Variants in ZNF488 observed in about 807,000 individuals in gnomAD.
ZNF488 encodes zinc finger protein 488.
Under a neutral mutation model 1.2 loss-of-function variants are expected in ZNF488, and 1 was observed. The observed-to-expected ratio is 0.86, with a 90% CI of 0.30 to 4.07. The LOEUF (loss-of-function observed/expected upper bound fraction) is 4.07. ZNF488 is among the 30% of genes most tolerant of loss of function. ZNF488 has a pLI of 0.18. For missense variants in ZNF488, 450 were observed against 437.9 expected, an observed-to-expected ratio of 1.03 and a Z score of -0.25; for synonymous variants, 185 against 190.1, an observed-to-expected ratio of 0.97 and a Z score of 0.22.
In ZNF488 at chr10:47,368,032, G is replaced by A. The variant is rs782198766; in HGVS notation, c.798C>T (p.Leu266=). ...TTSWALLPPT[L]TSLGLSTQNW... ...TCTGGGTGGACAAGCCCAGGGAGGTGAGGGTGGGTGGCAGGAGGGCCCACG... is the reference window on the plus strand; with the variant it reads ...TCTGGGTGGACAAGCCCAGGGAGGTAAGGGTGGGTGGCAGGAGGGCCCACG... Residue 266 remains leucine, a synonymous_variant, in exon 2 of 2, where the codon CTC becomes CTT. Transcript: ENST00000585316. 3.7e-6 allele frequency: 6 copies of A among 1,614,014 alleles called. No homozygotes were observed. The highest frequency in any genetic ancestry group is 5.1e-6 in the Non-Finnish European group (6 of 1,180,006).
chr10:47,383,985 G>A (rs1838084352), intron 1 of ZNF488, among the ~76,000 whole-genome samples: 1 of 152,150 alleles, frequency 6.6e-6, no homozygotes, highest in African/African-American at 2.4e-5. Flanking sequence ...AGACAATAAA[G>A]AAGAGATAGA....
chr10:47,375,773 G>C (rs571054338), intron 1 of ZNF488, among the ~76,000 whole-genome samples: 9 of 152,246 alleles, frequency 5.9e-5, no homozygotes, highest in African/African-American at 2.2e-4. Context: ...AGAACCAGCT[G>C]TTAAACACTT....
At chr10:47,373,540 A>G (rs934023208) in intron 1 of ZNF488, among the ~76,000 whole-genome samples, 1 of 152,200 alleles carries the variant, frequency 6.6e-6, no homozygotes, top group Non-Finnish European at 1.5e-5. Flanking sequence ...TAATGCATTT[A>G]AATAGGATAA....
chr10:47,381,239 C>T (rs989401037), intron 1 of ZNF488, among the ~76,000 whole-genome samples: 2 of 9,296 alleles, frequency 2.2e-4, no homozygotes, highest in Non-Finnish European at 5.6e-4. Context: ...TACCCCCACC[C>T]GCTCCCCCCA....
At chr10:47,373,947 T>C (rs964531722) in intron 1 of ZNF488, among the ~76,000 whole-genome samples, 27 of 152,218 alleles carry the variant, frequency 1.8e-4, no homozygotes, top group African/African-American at 6.5e-4. Flanking sequence ...TTTATTCCCA[T>C]GCCTTCACCA....
chr10:47,379,621 G>A (rs1026120174), intron 1 of ZNF488, among the ~76,000 whole-genome samples: 35 of 152,280 alleles, frequency 2.3e-4, no homozygotes, highest in African/African-American at 6.8e-4. Context: ...GGGCCAGACC[G>A]AAGACCTGCA....
Position 47,368,000 on chromosome 10 carries a change from C to T in ZNF488, c.830G>A (p.Cys277Tyr), listed in dbSNP as rs150057845. The T allele has an allele frequency of 6.2e-7, 1 of 1,614,096 alleles. No homozygotes were observed. Among genetic ancestry groups the T allele is most frequent in the Admixed American group, 1.7e-5 (1 of 60,024 alleles). Residue 277 changes from cysteine to tyrosine, a missense_variant, in exon 2 of 2, where the codon TGT becomes TAT. By Grantham distance (194) the Cys-to-Tyr change is radical (BLOSUM62 -2). Transcript: ENST00000585316. Reference protein sequence around the residue: ...TSLGLSTQNWCAKCNLSFRLT... With the variant: ...TSLGLSTQNWYAKCNLSFRLT... ...GCGAAAGGACAGGTTGCACTTTGCA[C>T]ACCAGTTCTGGGTGGACAAGCCCAG...
intron 1 of ZNF488, among the ~76,000 whole-genome samples, chr10:47,380,720 CAT>C (rs1837910071): frequency 3.7e-5 from 5 of 135,262 alleles, no homozygotes; most frequent in African/African-American, 5.4e-5. Flanking sequence ...TCGAGCCTTC[CAT>C]CCAAATAGAT....
intron 1 of ZNF488, among the ~76,000 whole-genome samples, chr10:47,382,394 A>G (rs1244846282): frequency 7.7e-6 from 1 of 129,476 alleles, no homozygotes; most frequent in Non-Finnish European, 1.7e-5. Flanking sequence ...GGCACAGACC[A>G]CTAATGAGGA....
chr10:47,370,129 G>T (rs1190395024), intron 1 of ZNF488, among the ~76,000 whole-genome samples: 1 of 152,222 alleles, frequency 6.6e-6, no homozygotes, highest in Non-Finnish European at 1.5e-5. Context: ...GGAGACATCC[G>T]CATGGTGAGA....
chr10:47,381,025 T>C (rs797036851), intron 1 of ZNF488, among the ~76,000 whole-genome samples: 3 of 109,334 alleles, frequency 2.7e-5, no homozygotes, highest in Admixed American at 1.8e-4. Context: ...GACCAGTGCA[T>C]AACAGTGTTT....
rs1396494464 is a variant in ZNF488 at position 47,366,980 on chromosome 10, C to T, written c.*827G>A. The T allele has an allele frequency of 6.0e-6, 1 of 167,010 alleles. No homozygotes were observed. The highest frequency in any genetic ancestry group is 6.5e-5 in the Admixed American group (1 of 15,284). The allele number at this position is 167,010 out of a possible 1,614,324, so 10.3% of individuals were successfully genotyped here. ...TTCACCAAGGGCAGCCTACACTTTT[C>T]CACTCCTTAATATTGGGCCTGGTCC... On this transcript the variant is annotated 3_prime_UTR_variant, in exon 2 of 2. Transcript: ENST00000585316.
rs140127180 is a variant in ZNF488, at chr10:47,367,974, G to C, written c.856C>G (p.Leu286Val). 1 of 1,614,026 alleles carries C rather than the reference G, an allele frequency of 6.2e-7. No homozygotes were observed. Among genetic ancestry groups the C allele is most frequent in the African/African-American group, 1.3e-5 (1 of 74,904 alleles). Residue 286 changes from leucine (L) to valine (V), a missense_variant, in exon 2 of 2, where the codon CTA becomes GTA. Transcript: ENST00000585316. ...WCAKCNLSFR[L>V]TSDLVFHMRS... ...ATGTGAAAGACCAGGTCGGACGTTA[G>C]GCGAAAGGACAGGTTGCACTTTGCA...
Position 47,367,828 on chromosome 10 carries a change from C to A in ZNF488, c.1002G>T (p.Arg334=). Residue 334 remains arginine (R), a synonymous_variant, in exon 2 of 2, where the codon CGG becomes CGT. Transcript: ENST00000585316. ...EHFRERHHLS[R]HMTSHS ...CCTGCTAGCTGTGAGAAGTCATGTG[C>A]CGGGAGAGGTGGTGGCGCTCCCGGA... is the stretch of plus-strand genomic sequence containing the variant. The A allele has an allele frequency of 6.2e-7, 1 of 1,612,082 alleles. No individual in the cohort carries two copies. Among genetic ancestry groups the A allele is most frequent in the Non-Finnish European group, 8.5e-7 (1 of 1,179,318 alleles).
chr10:47,368,062 G>A lies in ZNF488; in HGVS notation c.768C>T (p.Thr256=). The part of the protein sequence containing the change: ...AQVPPPSSSS[T]TSWALLPPTL... Reference sequence around the variant, plus strand: ...TGGGTGGCAGGAGGGCCCACGAAGTGGTGGAGGATGATGAGGGTGGGGGCA... The same window carrying A: ...TGGGTGGCAGGAGGGCCCACGAAGTAGTGGAGGATGATGAGGGTGGGGGCA... Residue 256 remains threonine (T), a synonymous_variant, in exon 2 of 2, where the codon ACC becomes ACT. Transcript: ENST00000585316. 1.2e-6 allele frequency: 2 copies of A among 1,614,132 alleles called. No individual in the cohort carries two copies. The highest frequency in any genetic ancestry group is 8.5e-7 in the Non-Finnish European group (1 of 1,180,000).
chr10:47,378,779 G>A lies in ZNF488; in HGVS notation c.-109+5441C>T, dbSNP rs115971095. On this transcript the variant is annotated intron_variant, in intron 1 of 1. Coordinates refer to ENST00000585316, the MANE Select transcript of ZNF488 (RefSeq NM_153034.4). ...TTTTGACTAGCTCCTGTGGAACATC[G>A]CCACCCCGCCTTGCCCTGCAGACCA... Among the ~76,000 whole-genome samples the A allele has an allele frequency of 5.3e-3, 802 of 152,192 alleles. 7 individuals are homozygous for A. The highest frequency in any genetic ancestry group is 0.018 in the African/African-American group (759 of 41,522).
intron 1 of ZNF488, among the ~76,000 whole-genome samples, chr10:47,383,073 AT>A (rs1324924965): frequency 6.6e-6 from 1 of 152,186 alleles, no homozygotes; most frequent in African/African-American, 2.4e-5. Context: ...AATTGCCTCG[AT>A]ATAGTTCTAT....
rs1020373644 is a variant in ZNF488 at position 47,367,201 on chromosome 10, C to T, written c.*606G>A. ...AGACTTGCTGCCAAGCCCAGCCAAG[C>T]TCAGCTTAACCTGAGCCAACCCACA... On this transcript the variant is annotated 3_prime_UTR_variant, in exon 2 of 2. Coordinates refer to ENST00000585316, the MANE Select transcript of ZNF488 (RefSeq NM_153034.4). The T allele has an allele frequency of 6.0e-6, 1 of 167,266 alleles. No homozygotes were observed. The allele number at this position is 167,266 out of a possible 1,614,324, so 10.4% of individuals were successfully genotyped here. A position where few individuals can be genotyped will look rare whatever the true frequency, so the allele number is the denominator to read the frequency against.
intron 1 of ZNF488, among the ~76,000 whole-genome samples, chr10:47,378,890 T>G (rs1321974174): frequency 1.3e-5 from 2 of 152,128 alleles, no homozygotes; most frequent in Admixed American, 6.5e-5. Context: ...AGTGGATTCC[T>G]CAGAGGGGGT....
Sources: allele counts gnomAD v4.1 joint callset (sites outside exome capture counted in the v4.1 genomes callset), GRCh38; gene constraint gnomAD v4.1.1; transcripts MANE v1.5; gene names NCBI Gene and HGNC (gene_info 2026-07-23, HGNC 2026-07-21).